Variants in TRAPPC9 observed in about 807,000 individuals in gnomAD.
TRAPPC9 encodes the protein trafficking protein particle complex subunit 9.
Under a neutral mutation model 124.0 loss-of-function variants are expected in TRAPPC9, and 83 were observed. That is an observed-to-expected ratio of 0.67 (90% CI 0.56 to 0.80). The LOEUF (loss-of-function observed/expected upper bound fraction) is 0.80, where lower values mean the gene tolerates loss of function less well. TRAPPC9 is among the 30% of genes least tolerant of loss of function. The pLI, the probability that TRAPPC9 is intolerant of heterozygous loss-of-function variation, is 0.00. For missense variants in TRAPPC9, 1,302 were observed against 1,508.3 expected (o/e 0.86, Z 2.27); for synonymous variants, 638 against 617.5 (o/e 1.03, Z -0.49).
intron 21 of TRAPPC9, among the ~76,000 whole-genome samples, chr8:139,862,545 C>A (rs895903561): frequency 1.3e-5 from 2 of 152,194 alleles, no homozygotes; most frequent in Admixed American, 1.3e-4. Flanking sequence ...GGCGGGGACG[C>A]CTGTAAGGAT....
chr8:140,017,875 G>A (rs1056311370), intron 18 of TRAPPC9, among the ~76,000 whole-genome samples: 5 of 151,816 alleles, frequency 3.3e-5, no homozygotes, highest in African/African-American at 9.7e-5. Flanking sequence ...ACAGAGTCTC[G>A]TTCTGTTGCC....
intron 20 of TRAPPC9, among the ~76,000 whole-genome samples, chr8:139,889,421 T>A (rs1830201186): frequency 1.3e-5 from 2 of 152,162 alleles, no homozygotes; most frequent in Admixed American, 6.5e-5. Context: ...GGGGCCTGAA[T>A]CGCCTGAACT....
At chr8:139,793,931 T>C (rs1234837823) in intron 21 of TRAPPC9, among the ~76,000 whole-genome samples, 2 of 152,050 alleles carry the variant, frequency 1.3e-5, no homozygotes, top group Non-Finnish European at 2.9e-5. Flanking sequence ...TCCCTACGAC[T>C]TGAGCTCCCA....
chr8:139,922,972 T>C (rs1292969530), intron 19 of TRAPPC9, among the ~76,000 whole-genome samples: 1 of 152,172 alleles, frequency 6.6e-6, no homozygotes, highest in African/African-American at 2.4e-5. Context: ...AGAAACACTG[T>C]GGCAGCCTCC....
intron 21 of TRAPPC9, among the ~76,000 whole-genome samples, chr8:139,765,190 C>A (rs1194033118): frequency 6.6e-6 from 1 of 152,174 alleles, no homozygotes; most frequent in African/African-American, 2.4e-5. Flanking sequence ...CCAGTTGGTT[C>A]GTTTGTTCTC....
intron 15 of TRAPPC9, among the ~76,000 whole-genome samples, chr8:140,254,003 A>C (rs1426278805): frequency 6.6e-6 from 1 of 152,200 alleles, no homozygotes; most frequent in African/African-American, 2.4e-5. Flanking sequence ...TAAGAACCTC[A>C]GGCAACACGG....
intron 17 of TRAPPC9, among the ~76,000 whole-genome samples, chr8:140,204,129 A>C (rs1033641934): frequency 2.0e-5 from 3 of 152,094 alleles, no homozygotes; most frequent in Non-Finnish European, 4.4e-5. Flanking sequence ...CCCCACAGTA[A>C]TGAGTGAGTT....
intron 13 of TRAPPC9, among the ~76,000 whole-genome samples, chr8:140,286,080 G>A (rs987605327): frequency 3.9e-5 from 6 of 152,244 alleles, no homozygotes; most frequent in East Asian, 1.9e-4. Context: ...CTAGGCCAGC[G>A]AGCCCATGCC....
intron 14 of TRAPPC9, among the ~76,000 whole-genome samples, chr8:140,281,056 G>A (rs1190789990): frequency 6.6e-6 from 1 of 152,178 alleles, no homozygotes; most frequent in Non-Finnish European, 1.5e-5. Flanking sequence ...GGCCATCTGG[G>A]CCCTTTCCAG....
intron 4 of TRAPPC9, among the ~76,000 whole-genome samples, chr8:140,430,636 G>A (rs1003563542): frequency 6.6e-6 from 1 of 152,114 alleles, no homozygotes; most frequent in African/African-American, 2.4e-5. Flanking sequence ...TGGAAAATGT[G>A]GGGGTTGTTT....
chr8:140,450,083 A>G (rs2071400090), intron 2 of TRAPPC9, among the ~76,000 whole-genome samples: 3 of 152,234 alleles, frequency 2.0e-5, no homozygotes. Context: ...AAAGTTGGCC[A>G]GGCACAGAGG....
intron 21 of TRAPPC9, among the ~76,000 whole-genome samples, chr8:139,856,821 G>A (rs576870773): frequency 3.3e-5 from 5 of 151,848 alleles, no homozygotes; most frequent in East Asian, 1.9e-4. Context: ...GAAGGAGAAC[G>A]TGCTCATTCA....
chr8:139,926,193 G>A (rs1449811880), intron 19 of TRAPPC9, among the ~76,000 whole-genome samples: 1 of 152,226 alleles, frequency 6.6e-6, no homozygotes, highest in African/African-American at 2.4e-5. Flanking sequence ...AGAGGCCTGG[G>A]GAGGTGAGCT....
chr8:140,378,581 T>A (rs1217010296), intron 7 of TRAPPC9, among the ~76,000 whole-genome samples: 1 of 152,170 alleles, frequency 6.6e-6, no homozygotes, highest in Non-Finnish European at 1.5e-5. Flanking sequence ...CCTTTATATA[T>A]GTATATATCC....
intron 21 of TRAPPC9, among the ~76,000 whole-genome samples, chr8:139,863,319 C>G (rs1828296888): frequency 1.3e-5 from 2 of 152,202 alleles, no homozygotes; most frequent in Admixed American, 1.3e-4. Context: ...CGGAAAGGGC[C>G]AAAGGACAGA....
intron 17 of TRAPPC9, among the ~76,000 whole-genome samples, chr8:140,059,273 TC>T (rs1842455056): frequency 6.6e-6 from 1 of 152,238 alleles, no homozygotes; most frequent in Non-Finnish European, 1.5e-5. Flanking sequence ...TTGAAATTCA[TC>T]CACGTTCTTA....
intron 17 of TRAPPC9, among the ~76,000 whole-genome samples, chr8:140,178,377 A>G (rs2062118690): frequency 6.6e-6 from 1 of 152,108 alleles, no homozygotes; most frequent in Admixed American, 6.5e-5. Flanking sequence ...ATTCTCCTTC[A>G]TTCTATTAAT....
In TRAPPC9 at chr8:139,792,085, T is replaced by A. The variant is rs138523808; in HGVS notation, c.3056-59883A>T. ...GCCTGCCGCCTATTCTTTTTTTCTG[T>A]CCCCGTCAACATTTGCCCTGTGCTA... On this transcript the variant is annotated intron_variant, in intron 21 of 22. Transcript: ENST00000438773. Among the ~76,000 whole-genome samples, 664 of 152,256 alleles carry A rather than the reference T, an allele frequency of 4.4e-3. 8 individuals are homozygous for A. Among genetic ancestry groups the A allele is most frequent in the East Asian group, 0.011 (59 of 5,156 alleles).
chr8:140,152,528 T>C (rs1361362901), intron 17 of TRAPPC9, among the ~76,000 whole-genome samples: 1 of 151,030 alleles, frequency 6.6e-6, no homozygotes, highest in African/African-American at 2.4e-5. Context: ...GCCTGGCTAA[T>C]TTTTTGTATT....
Sources: allele counts gnomAD v4.1 joint callset (sites outside exome capture counted in the v4.1 genomes callset), GRCh38; gene constraint gnomAD v4.1.1; transcripts MANE v1.5; gene names NCBI Gene and HGNC (gene_info 2026-07-23, HGNC 2026-07-21).